Variants in RIMS2 observed in about 807,000 individuals in gnomAD.
The protein encoded by RIMS2 is regulating synaptic membrane exocytosis protein 2.
In RIMS2, 59 loss-of-function variants were observed where a neutral mutation model predicts 174.4. That is an observed-to-expected ratio of 0.34 (90% CI 0.27 to 0.42). RIMS2 has a LOEUF of 0.42. Among genes scored for constraint, RIMS2 ranks in the 10% least tolerant of loss-of-function variants. The pLI, the probability that RIMS2 is intolerant of heterozygous loss-of-function variation, is 1.00. For synonymous variants in RIMS2, 606 were observed against 572.5 expected, an observed-to-expected ratio of 1.06 and a Z score of -0.84; for missense variants, 1,620 against 1,666.3, an observed-to-expected ratio of 0.97 and a Z score of 0.48.
chr8:103,907,417 C>T (rs2074664620), intron 4 of RIMS2, among the ~76,000 whole-genome samples: 2 of 152,172 alleles, frequency 1.3e-5, no homozygotes, highest in South Asian at 4.1e-4. Flanking sequence ...TTTTTCACCT[C>T]CTCATCTTAT....
At chr8:104,019,592 G>T (rs930116314) in intron 19 of RIMS2, among the ~76,000 whole-genome samples, 3 of 152,034 alleles carry the variant, frequency 2.0e-5, no homozygotes, top group Non-Finnish European at 1.5e-5. Context: ...TCATAAAGGC[G>T]ACAAATATCA....
chr8:104,018,532 T>A (rs2095990432), intron 19 of RIMS2, among the ~76,000 whole-genome samples: 1 of 152,214 alleles, frequency 6.6e-6, no homozygotes, highest in South Asian at 2.1e-4. Flanking sequence ...CAAACTAGAA[T>A]TATAGGTAGT....
chr8:104,008,728 A>C (rs1187238302), intron 17 of RIMS2, among the ~76,000 whole-genome samples: 1 of 152,034 alleles, frequency 6.6e-6, no homozygotes, highest in Non-Finnish European at 1.5e-5. Flanking sequence ...TTGCTTTGTC[A>C]CATCAATATA....
At chr8:103,583,667 G>A (rs1258338774) in intron 1 of RIMS2, among the ~76,000 whole-genome samples, 1 of 150,866 alleles carries the variant, frequency 6.6e-6, no homozygotes, top group Non-Finnish European at 1.5e-5. Flanking sequence ...TCCAGCAGAA[G>A]AAAGAATTAG....
chr8:103,522,676 C>T (rs1388082866), intron 1 of RIMS2, among the ~76,000 whole-genome samples: 1 of 152,086 alleles, frequency 6.6e-6, no homozygotes, highest in Non-Finnish European at 1.5e-5. Context: ...GTCCCTAGTG[C>T]ATTAGAAAAA....
At chr8:103,866,837 C>A (rs73697688) in intron 3 of RIMS2, among the ~76,000 whole-genome samples, 7,318 of 151,998 alleles carry the variant, frequency 0.048, 585 homozygotes, top group African/African-American at 0.17. Flanking sequence ...TGAAATTAAT[C>A]TGACGCTTTT....
intron 19 of RIMS2, among the ~76,000 whole-genome samples, chr8:104,158,524 A>G (rs2098739839): frequency 6.6e-6 from 1 of 152,208 alleles, no homozygotes. Context: ...ACAGTGTAAA[A>G]GCATTCCTAT....
chr8:103,571,753 G>C (rs898632346), intron 1 of RIMS2, among the ~76,000 whole-genome samples: 11 of 152,136 alleles, frequency 7.2e-5, no homozygotes, highest in African/African-American at 2.4e-4. Context: ...AGTCCAATAG[G>C]TAACTGGATT....
chr8:104,072,193 G>C (rs1439906750), intron 19 of RIMS2, among the ~76,000 whole-genome samples: 1 of 152,118 alleles, frequency 6.6e-6, no homozygotes, highest in East Asian at 1.9e-4. Context: ...ATATGTCAAA[G>C]AGAAAGTTAC....
At chr8:103,984,528 G>A (rs2094193175) in intron 16 of RIMS2, among the ~76,000 whole-genome samples, 1 of 152,124 alleles carries the variant, frequency 6.6e-6, no homozygotes, top group African/African-American at 2.4e-5. Context: ...CAGTCAAAAT[G>A]GCTTATATCC....
At chr8:103,699,093 G>T (rs2097139893) in intron 2 of RIMS2, among the ~76,000 whole-genome samples, 1 of 152,164 alleles carries the variant, frequency 6.6e-6, no homozygotes, top group Non-Finnish European at 1.5e-5. Context: ...AGTTTGTCTA[G>T]TTCCTCATAA....
chr8:103,576,549 C>T (rs552799370), intron 1 of RIMS2, among the ~76,000 whole-genome samples: 1 of 152,150 alleles, frequency 6.6e-6, no homozygotes, highest in South Asian at 2.1e-4. Flanking sequence ...TTCAAAATAC[C>T]AGTTTTAAGG....
At chr8:103,856,773 G>T (rs1048872387) in intron 3 of RIMS2, among the ~76,000 whole-genome samples, 1 of 151,914 alleles carries the variant, frequency 6.6e-6, no homozygotes. Flanking sequence ...TTTCAATCCT[G>T]GTGAAATAGT....
intron 1 of RIMS2, among the ~76,000 whole-genome samples, chr8:103,526,343 C>G (rs1297223969): frequency 6.6e-6 from 1 of 152,158 alleles, no homozygotes; most frequent in African/African-American, 2.4e-5. Context: ...TAAATTCTTT[C>G]TGGTGGAAGA....
At chr8:104,150,836 A>T (rs2098683387) in intron 19 of RIMS2, among the ~76,000 whole-genome samples, 1 of 152,200 alleles carries the variant, frequency 6.6e-6, no homozygotes, top group Non-Finnish European at 1.5e-5. Context: ...TATGTACTTT[A>T]TGTATAGTTT....
intron 1 of RIMS2, among the ~76,000 whole-genome samples, chr8:103,682,158 T>TTTAATA (rs2136733718): frequency 6.6e-6 from 1 of 152,086 alleles, no homozygotes; most frequent in African/African-American, 2.4e-5. Context: ...TAAATAGAAA[T>TTTAATA]GTTAAGTAGG....
rs573344322 is a variant in RIMS2 at position 103,690,036 on chromosome 8, C to G, written c.177-7050C>G. Among the ~76,000 whole-genome samples, 5 of 150,966 alleles carry G rather than the reference C, an allele frequency of 3.3e-5. No individual in the cohort carries two copies. The South Asian group carries it at 1.1e-3, about 32-fold the overall frequency. On this transcript the variant is annotated intron_variant, in intron 1 of 23. Coordinates refer to ENST00000504942, the Ensembl canonical transcript of RIMS2. ...AGTGCAGTGGCGTAATCTCAGCTCA[C>G]TGCAGCGTCTGCTTCCTGGGTTCAA...
At chr8:104,078,005 G>A (rs1250357916) in intron 19 of RIMS2, among the ~76,000 whole-genome samples, 1 of 151,878 alleles carries the variant, frequency 6.6e-6, no homozygotes, top group African/African-American at 2.4e-5. Flanking sequence ...TTACCTGGGT[G>A]TGGTGGCTGG....
At chr8:104,095,711 C>A (rs1329332067) in intron 19 of RIMS2, among the ~76,000 whole-genome samples, 1 of 151,892 alleles carries the variant, frequency 6.6e-6, no homozygotes. Flanking sequence ...TTCTAGTAGT[C>A]CAGAATTTGA....
Sources: allele counts gnomAD v4.1 joint callset (sites outside exome capture counted in the v4.1 genomes callset), GRCh38; gene constraint gnomAD v4.1.1; transcripts MANE v1.5; gene names NCBI Gene and HGNC (gene_info 2026-07-23, HGNC 2026-07-21).